The following INPP4B variants were observed in gnomAD, a reference collection of about 807,000 sequenced individuals.
INPP4B encodes inositol polyphosphate 4-phosphatase type II.
INPP4B carries 55 observed loss-of-function variants against 122.5 expected under a neutral mutation model. The observed-to-expected ratio is 0.45, with a 90% CI of 0.36 to 0.56. The LOEUF is 0.56. INPP4B is among the 20% of genes least tolerant of loss of function. The pLI, the probability that INPP4B is intolerant of heterozygous loss-of-function variation, is 0.00. For synonymous variants in INPP4B, 403 were observed against 388.7 expected (o/e 1.04, Z -0.43); for missense variants, 1,000 against 1,097.7 (o/e 0.91, Z 1.26).
chr4:142,776,099 G>A (rs1260565956), intron 1 of INPP4B, among the ~76,000 whole-genome samples: 1 of 152,062 alleles, frequency 6.6e-6, no homozygotes, highest in Non-Finnish European at 1.5e-5. Context: ...CTACCCCAAC[G>A]ATGTAATTTG....
intron 2 of INPP4B, among the ~76,000 whole-genome samples, chr4:142,623,219 T>C (rs1745368299): frequency 6.6e-6 from 1 of 151,982 alleles, no homozygotes; most frequent in Non-Finnish European, 1.5e-5. Context: ...TTGTACCTGC[T>C]TCAATTCAGT....
intron 1 of INPP4B, among the ~76,000 whole-genome samples, chr4:142,822,241 G>A (rs1479472465): frequency 6.6e-6 from 1 of 152,168 alleles, no homozygotes. Context: ...ACTATGTCAA[G>A]CACTTTAAGT....
intron 14 of INPP4B, among the ~76,000 whole-genome samples, chr4:142,206,679 G>A (rs930360924): frequency 3.4e-4 from 51 of 151,980 alleles, no homozygotes; most frequent in African/African-American, 9.6e-4. Flanking sequence ...ACTTGATGAC[G>A]TTGGACATAA....
At chr4:142,310,381 A>G (rs1765054707) in intron 8 of INPP4B, among the ~76,000 whole-genome samples, 2 of 151,626 alleles carry the variant, frequency 1.3e-5, no homozygotes, top group South Asian at 2.1e-4. Context: ...TAAATAAAAC[A>G]TATTAAAATT....
At chr4:142,713,694 C>G (rs1455623196) in intron 2 of INPP4B, among the ~76,000 whole-genome samples, 1 of 152,148 alleles carries the variant, frequency 6.6e-6, no homozygotes, top group Admixed American at 6.5e-5. Context: ...CCAGAAAAGG[C>G]CTTGCCAGAT....
intron 1 of INPP4B, among the ~76,000 whole-genome samples, chr4:142,730,655 T>C (rs926752483): frequency 6.6e-6 from 1 of 152,228 alleles, no homozygotes; most frequent in Admixed American, 6.5e-5. Context: ...GCAGCAATTA[T>C]AGTCAATGCC....
chr4:142,142,859 C>A (rs180827226), intron 18 of INPP4B, among the ~76,000 whole-genome samples: 33 of 152,114 alleles, frequency 2.2e-4, no homozygotes, highest in African/African-American at 6.0e-4. Flanking sequence ...GAATAAAGCA[C>A]CACATGGAGT....
chr4:142,053,670 T>G (rs191975950), intron 25 of INPP4B, among the ~76,000 whole-genome samples: 3 of 152,194 alleles, frequency 2.0e-5, no homozygotes, highest in Admixed American at 2.0e-4. Flanking sequence ...CTCCCAATTT[T>G]TCTCCAAGAA....
At chr4:142,689,255 T>C (rs1759808185) in intron 2 of INPP4B, among the ~76,000 whole-genome samples, 1 of 152,132 alleles carries the variant, frequency 6.6e-6, no homozygotes, top group Admixed American at 6.6e-5. Context: ...TGTCGAATGA[T>C]GAAGGCAAAA....
chr4:142,303,853 C>T (rs775436387), intron 9 of INPP4B, among the ~76,000 whole-genome samples: 2 of 152,044 alleles, frequency 1.3e-5, no homozygotes, highest in African/African-American at 4.8e-5. Flanking sequence ...TATTTCTTTT[C>T]TCTTTCAAGG....
chr4:142,256,060 C>T (rs1229938806), intron 11 of INPP4B, among the ~76,000 whole-genome samples: 1 of 150,996 alleles, frequency 6.6e-6, no homozygotes, highest in Non-Finnish European at 1.5e-5. Flanking sequence ...TCACTCAAAA[C>T]TGCTCAACTA....
chr4:142,834,221 C>T (rs1053664676), intron 1 of INPP4B, among the ~76,000 whole-genome samples: 1 of 152,058 alleles, frequency 6.6e-6, no homozygotes, highest in African/African-American at 2.4e-5. Flanking sequence ...TAAGGATAAG[C>T]ACATAAATAA....
chr4:142,192,476 A>T (rs1027526253), intron 15 of INPP4B, among the ~76,000 whole-genome samples: 27 of 152,136 alleles, frequency 1.8e-4, no homozygotes, highest in Non-Finnish European at 3.8e-4. Context: ...GATAACCCCA[A>T]CTGATAAGAC....
intron 2 of INPP4B, among the ~76,000 whole-genome samples, chr4:142,533,584 C>T (rs1308590753): frequency 2.6e-5 from 4 of 152,044 alleles, no homozygotes; most frequent in Non-Finnish European, 5.9e-5. Flanking sequence ...CTCAATTACT[C>T]ATCATAATTA....
chr4:142,674,247 A>C (rs1757404063), intron 2 of INPP4B, among the ~76,000 whole-genome samples: 1 of 152,028 alleles, frequency 6.6e-6, no homozygotes, highest in African/African-American at 2.4e-5. Context: ...AGTACTTTCC[A>C]ATAAACTTCC....
At chr4:142,547,697 T>C (rs1000729728) in intron 2 of INPP4B, among the ~76,000 whole-genome samples, 4 of 152,128 alleles carry the variant, frequency 2.6e-5, no homozygotes, top group Non-Finnish European at 5.9e-5. Flanking sequence ...AGTAGAAAAA[T>C]ACTGCTTTTA....
intron 1 of INPP4B, among the ~76,000 whole-genome samples, chr4:142,806,817 A>AAGAT (rs1364225802): frequency 4.5e-4 from 68 of 150,522 alleles, no homozygotes; most frequent in Admixed American, 8.6e-4. Flanking sequence ...GAAAGAAAGA[A>AAGAT]AGAAAGAAAG....
At chr4:142,059,709 C>G (rs550596053) in intron 25 of INPP4B, among the ~76,000 whole-genome samples, 1 of 152,046 alleles carries the variant, frequency 6.6e-6, no homozygotes, top group Admixed American at 6.6e-5. Context: ...CTAAATCAAC[C>G]AAGGTCAGCC....
chr4:142,475,803 CA>C (rs1819698133), intron 2 of INPP4B, among the ~76,000 whole-genome samples: 1 of 151,952 alleles, frequency 6.6e-6, no homozygotes, highest in Non-Finnish European at 1.5e-5. Context: ...CAAACAAAAC[CA>C]ACAGAGAAGA....
Sources: allele counts gnomAD v4.1 joint callset (sites outside exome capture counted in the v4.1 genomes callset), GRCh38; gene constraint gnomAD v4.1.1; transcripts MANE v1.5; gene names NCBI Gene and HGNC (gene_info 2026-07-23, HGNC 2026-07-21).